LMX1A: variants seen among roughly 807,000 people sequenced by gnomAD.
LMX1A encodes LIM homeobox transcription factor 1-alpha.
LMX1A carries 15 observed loss-of-function variants against 49.1 expected under a neutral mutation model. That is an observed-to-expected ratio of 0.31 (90% confidence interval 0.20 to 0.47). The LOEUF is 0.47. Ranked by LOEUF, LMX1A falls within the 20% of genes least tolerant of loss-of-function variation. LMX1A has a pLI of 1.00. For synonymous variants in LMX1A, 167 were observed against 185.7 expected (o/e 0.90, Z 0.82); for missense variants, 372 against 475.8 (o/e 0.78, Z 2.03).
At chr1:165,260,627 G>T (rs952883210) in intron 3 of LMX1A, among the ~76,000 whole-genome samples, 12 of 152,136 alleles carry the variant, frequency 7.9e-5, no homozygotes, top group African/African-American at 1.7e-4. Flanking sequence ...GAAAACCAAT[G>T]ATTACATTCC....
intron 3 of LMX1A, among the ~76,000 whole-genome samples, chr1:165,255,949 GC>G (rs201764986): frequency 0.016 from 2,402 of 152,016 alleles, 58 homozygotes; most frequent in African/African-American, 0.054. Context: ...CTCCAGCCTG[GC>G]AACAAGAGCG....
chr1:165,224,880 C>T (rs1302281830), intron 4 of LMX1A, among the ~76,000 whole-genome samples: 2 of 152,180 alleles, frequency 1.3e-5, no homozygotes, highest in Non-Finnish European at 2.9e-5. Context: ...CCTTGAACTA[C>T]AATCTGAATC....
intron 3 of LMX1A, among the ~76,000 whole-genome samples, chr1:165,348,039 T>C (rs1330391): frequency 0.32 from 47,462 of 150,662 alleles, 7,931 homozygotes; most frequent in East Asian, 0.61. Flanking sequence ...TTAATACAAA[T>C]GTTATAAATA....
At chr1:165,211,549 G>A (rs1316150643) in intron 5 of LMX1A, among the ~76,000 whole-genome samples, 1 of 152,224 alleles carries the variant, frequency 6.6e-6, no homozygotes, top group East Asian at 1.9e-4. Flanking sequence ...AGATCCTGGG[G>A]AGGAGATGGG....
At chr1:165,221,780 A>C (rs1651856089) in intron 4 of LMX1A, among the ~76,000 whole-genome samples, 1 of 152,160 alleles carries the variant, frequency 6.6e-6, no homozygotes, top group African/African-American at 2.4e-5. Context: ...TGTGCTTGGC[A>C]GGTATTCAGG....
intron 3 of LMX1A, among the ~76,000 whole-genome samples, chr1:165,264,898 C>A (rs1653566128): frequency 6.6e-6 from 1 of 151,780 alleles, no homozygotes; most frequent in African/African-American, 2.4e-5. Flanking sequence ...CAGAACAATA[C>A]CCTGCCTCGA....
At chr1:165,298,254 T>C (rs1239263081) in intron 3 of LMX1A, among the ~76,000 whole-genome samples, 3 of 152,216 alleles carry the variant, frequency 2.0e-5, no homozygotes. Context: ...AGATGAGAGC[T>C]GATTTACTGC....
intron 7 of LMX1A, among the ~76,000 whole-genome samples, chr1:165,207,218 G>A (rs1651123389): frequency 6.6e-6 from 1 of 152,208 alleles, no homozygotes; most frequent in Non-Finnish European, 1.5e-5. Context: ...CTGTTTTAAG[G>A]TACAGACCAT....
chr1:165,300,108 G>T (rs999942959), intron 3 of LMX1A, among the ~76,000 whole-genome samples: 1 of 38,874 alleles, frequency 2.6e-5, no homozygotes, highest in East Asian at 5.7e-4. Flanking sequence ...ACACCTTGCT[G>T]AGCATGCCCC....
intron 3 of LMX1A, among the ~76,000 whole-genome samples, chr1:165,251,055 C>T (rs1459935728): frequency 6.7e-6 from 1 of 148,644 alleles, no homozygotes; most frequent in Non-Finnish European, 1.5e-5. Context: ...TGGACATCAT[C>T]TGGCAAGCAA....
intron 3 of LMX1A, among the ~76,000 whole-genome samples, chr1:165,272,915 T>C (rs1263001929): frequency 2.6e-5 from 4 of 152,152 alleles, no homozygotes; most frequent in Non-Finnish European, 4.4e-5. Flanking sequence ...TCCATGAACA[T>C]TCTTCCACGG....
chr1:165,203,571 A>G lies in LMX1A; in HGVS notation c.*309T>C. On this transcript the variant is annotated 3_prime_UTR_variant, in exon 9 of 9. Coordinates refer to ENST00000342310, the MANE Select transcript of LMX1A (RefSeq NM_177398.4). ...CAAGAGCTTCCCCGACATGGTGGGA[A>G]GTTGTTAGGAGTCCCTAAGTATCTA... is the stretch of plus-strand genomic sequence containing the variant. The G allele has an allele frequency of 4.8e-6, 1 of 208,980 alleles. No individual in the cohort carries two copies. The highest frequency in any genetic ancestry group is 9.9e-6 in the Non-Finnish European group (1 of 101,418). The allele number at this position is 208,980 out of a possible 1,614,324, so 12.9% of individuals were successfully genotyped here.
chr1:165,281,548 G>A (rs1371978338), intron 3 of LMX1A, among the ~76,000 whole-genome samples: 1 of 152,234 alleles, frequency 6.6e-6, no homozygotes, highest in Non-Finnish European at 1.5e-5. Flanking sequence ...ATTTCTAGAG[G>A]TGAAGATAAG....
intron 4 of LMX1A, 113 bp downstream of exon 4, chr1:165,249,295 C>G: frequency 7.2e-6 from 5 of 690,932 alleles, no homozygotes; most frequent in East Asian, 2.6e-5. Flanking sequence ...ACTGCCTTGC[C>G]ATGGAGCTAG....
intron 8 of LMX1A, 84 bp downstream of exon 8, chr1:165,205,780 T>C (rs1651047932): frequency 7.5e-7 from 1 of 1,332,518 alleles, no homozygotes; most frequent in Non-Finnish European, 1.1e-6. Flanking sequence ...GGTGAGCATC[T>C]GGGAACTGCC....
Position 165,355,963 on chromosome 1 carries a change from A to G in LMX1A, c.-22-382T>C, listed in dbSNP as rs1012336212. On this transcript the variant is annotated intron_variant, in intron 1 of 8. Coordinates refer to ENST00000342310, the MANE Select transcript of LMX1A (RefSeq NM_177398.4). This position sits in a 1 kb window ranked among gnomAD's most constrained non-coding sequence, Gnocchi z 4.7. ...TGCAGGAACGCAGCTACTGGGGTAT[A>G]TTGGGTATATAAAGAGTGGGTACCC... 15 of 213,180 alleles carry G rather than the reference A, an allele frequency of 7.0e-5. No homozygotes were observed. The highest frequency in any genetic ancestry group is 3.2e-4 in the African/African-American group (14 of 43,608). 13.2% of individuals were successfully genotyped at this position (213,180 alleles called of 1,614,324 possible).
At chr1:165,207,365 C>G (rs182469433) in intron 7 of LMX1A, 2 of 152,084 alleles carry the variant, frequency 1.3e-5, no homozygotes, top group Non-Finnish European at 2.9e-5. Flanking sequence ...CCTCTTCACC[C>G]TCCTCCCTAA....
At chr1:165,252,507 G>A (rs1415425293) in intron 3 of LMX1A, among the ~76,000 whole-genome samples, 2 of 152,186 alleles carry the variant, frequency 1.3e-5, no homozygotes, top group Non-Finnish European at 2.9e-5. Flanking sequence ...ATATCTCTGG[G>A]ATTCATTCAC....
In LMX1A at chr1:165,249,505, A is replaced by G. The variant is rs1054032034; in HGVS notation, c.399T>C (p.Asp133=). 3 of 1,613,836 alleles carry G rather than the reference A, an allele frequency of 1.9e-6. No individual in the cohort carries two copies. Among genetic ancestry groups the G allele is most frequent in the Non-Finnish European group, 2.5e-6 (3 of 1,179,770 alleles). The stretch of plus-strand genomic sequence containing the variant: ...GCTGCCCCTCCTTCAGGACAAACTC[A>G]TCACCCTTCTGAAGCTGTCGCTCGC... ...CVCERQLQKG[D]EFVLKEGQLL... Residue 133 remains aspartate, a synonymous_variant, in exon 4 of 9, where the codon GAT becomes GAC. Coordinates refer to ENST00000342310, the MANE Select transcript of LMX1A (RefSeq NM_177398.4).
Sources: gnomAD v4.1 joint callset for allele counts (sites outside exome capture counted in the v4.1 genomes callset) on GRCh38, gnomAD v4.1.1 for gene constraint, Gnocchi (gnomAD v3.1) non-coding constraint, MANE v1.5 for transcripts, NCBI Gene and HGNC (gene_info 2026-07-23, HGNC 2026-07-21) for gene names.